Variants in SART3 observed in about 807,000 individuals in gnomAD.
SART3 encodes the protein spliceosome associated factor 3, U4/U6 recycling protein, also known as HIV-1 Tat-interacting protein of 110kDa.
Under a neutral mutation model 122.3 loss-of-function variants are expected in SART3, and 44 were observed. The ratio of observed to expected loss-of-function variants is 0.36; its 90% CI spans 0.28 to 0.46. The LOEUF is 0.46. Ranked by LOEUF, SART3 falls within the 20% of genes least tolerant of loss-of-function variation. The probability of loss-of-function intolerance (pLI) is 1.00; values close to 1 mark genes in which losing one functional copy is unlikely to be tolerated. For synonymous variants in SART3, 442 were observed against 454.0 expected, an observed-to-expected ratio of 0.97 and a Z score of 0.34; for missense variants, 1,101 against 1,229.0, an observed-to-expected ratio of 0.90 and a Z score of 1.56.
chr12:108,544,891 A>G (rs1873331453), intron 4 of SART3: 1 of 590,090 alleles, frequency 1.7e-6, no homozygotes, highest in Admixed American at 3.0e-5. Flanking sequence ...ACTTCAAAAA[A>G]TATCTCAACA....
At chr12:108,560,797 G>A (rs1386879247) in intron 1 of SART3, 46 bp downstream of exon 1, 2 of 1,528,776 alleles carry the variant, frequency 1.3e-6, no homozygotes, top group Non-Finnish European at 1.8e-6. Context: ...GGGGACCCGA[G>A]GACCTGAAAG....
chr12:108,533,561 T>A (rs1481708288), intron 12 of SART3, among the ~76,000 whole-genome samples: 3 of 152,218 alleles, frequency 2.0e-5, no homozygotes, highest in Non-Finnish European at 4.4e-5. Flanking sequence ...GCTGCCACTC[T>A]GGGGAAAACC....
At chr12:108,524,552 G>A (rs1225964159) in intron 17 of SART3, 46 bp from the exon 18 acceptor site, 3 of 1,584,136 alleles carry the variant, frequency 1.9e-6, no homozygotes, top group South Asian at 2.2e-5. Context: ...CGCAGACTAG[G>A]GACGCAACCT....
chr12:108,534,767 A>G (rs1872832830), intron 12 of SART3, among the ~76,000 whole-genome samples: 1 of 152,230 alleles, frequency 6.6e-6, no homozygotes, highest in Non-Finnish European at 1.5e-5. Context: ...AATAGGGAAA[A>G]AATCTTCAAA....
At chr12:108,548,335 T>G (rs1873529303) in intron 2 of SART3, among the ~76,000 whole-genome samples, 1 of 152,374 alleles carries the variant, frequency 6.6e-6, no homozygotes, top group Non-Finnish European at 1.5e-5. Flanking sequence ...ATGTGTTAAG[T>G]GTTATACGTA....
At position 108,523,225 on chromosome 12, in the gene SART3, C is replaced by T. The variant is rs1386509390; in HGVS notation, c.*232G>A. On this transcript the variant is annotated 3_prime_UTR_variant, in exon 19 of 19. Coordinates refer to ENST00000546815, the MANE Select transcript of SART3 (RefSeq NM_014706.4). ...ACAAAACTATCTCAGGACACCACAT[C>T]CTGGGCCCAGCCTGCAGAGTGGTCA... The T allele has an allele frequency of 1.5e-5, 9 of 596,910 alleles. No individual in the cohort carries two copies. Among genetic ancestry groups the T allele is most frequent in the South Asian group, 3.9e-5 (2 of 50,878 alleles). The allele number at this position is 596,910 out of a possible 1,614,324, so 37.0% of individuals were successfully genotyped here.
intron 6 of SART3, among the ~76,000 whole-genome samples, chr12:108,540,805 G>A (rs1873127401): frequency 6.6e-6 from 1 of 152,156 alleles, no homozygotes; most frequent in Non-Finnish European, 1.5e-5. Context: ...TAAATGGACA[G>A]CTAATCTATG....
At position 108,547,850 on chromosome 12, in the gene SART3, A is replaced by G. The variant is rs371616707; in HGVS notation, c.544+37T>C. 3.5e-4 allele frequency: 510 copies of G among 1,473,430 alleles called. 9 individuals carry two copies. In the South Asian group the frequency reaches 5.5e-3, roughly 16 times the overall value. 91.3% of individuals were successfully genotyped at this position (1,473,430 alleles called of 1,614,324 possible). ...TCAACAGCAGACTGATATATATGACATTGCCAGATATCCAAAAAAAGTCCA... is the reference window on the plus strand; with the variant it reads ...TCAACAGCAGACTGATATATATGACGTTGCCAGATATCCAAAAAAAGTCCA... On this transcript the variant is annotated intron_variant, in intron 3 of 18. Coordinates refer to ENST00000546815, the MANE Select transcript of SART3 (RefSeq NM_014706.4).
chr12:108,541,762 A>C (rs4964721), intron 6 of SART3, among the ~76,000 whole-genome samples: 17,611 of 151,582 alleles, frequency 0.12, 1,432 homozygotes, highest in Admixed American at 0.28. Context: ...CTGGTCTCAA[A>C]CTCCTGACCT....
At chr12:108,541,426 G>A (rs934308233) in intron 6 of SART3, among the ~76,000 whole-genome samples, 3 of 151,726 alleles carry the variant, frequency 2.0e-5, no homozygotes, top group African/African-American at 7.3e-5. Flanking sequence ...GAAGTGAAAA[G>A]ACAAACAACT....
chr12:108,535,282 G>T, intron 12 of SART3, 77 bp downstream of exon 12: 1 of 1,135,412 alleles, frequency 8.8e-7, no homozygotes, highest in Non-Finnish European at 1.3e-6. Context: ...AGTCCAAGCT[G>T]GTAGGAGTCA....
intron 11 of SART3, among the ~76,000 whole-genome samples, 173 bp downstream of exon 11, chr12:108,536,341 C>A (rs569712437): frequency 1.2e-4 from 19 of 152,216 alleles, no homozygotes; most frequent in Non-Finnish European, 2.5e-4. Flanking sequence ...ATATGTCAAG[C>A]TAGGTAAATA....
intron 15 of SART3, 33 bp downstream of exon 15, chr12:108,530,109 G>T: frequency 6.2e-7 from 1 of 1,613,026 alleles, no homozygotes; most frequent in Non-Finnish European, 8.5e-7. Flanking sequence ...ACTTTAAGAC[G>T]TTTCAAAACA....
At chr12:108,530,653 G>A (rs1036129774) in intron 14 of SART3, among the ~76,000 whole-genome samples, 8 of 152,036 alleles carry the variant, frequency 5.3e-5, no homozygotes, top group African/African-American at 1.7e-4. Flanking sequence ...TCAGGAGATC[G>A]AGACCATCCT....
chr12:108,548,993 G>T, intron 2 of SART3, 95 bp downstream of exon 2: 1 of 1,570,350 alleles, frequency 6.4e-7, no homozygotes, highest in Admixed American at 1.7e-5. Context: ...GAACGTTCCA[G>T]GTTTTCTACA....
intron 3 of SART3, among the ~76,000 whole-genome samples, chr12:108,547,605 T>C (rs1241015478): frequency 6.6e-6 from 1 of 152,210 alleles, no homozygotes; most frequent in Non-Finnish European, 1.5e-5. Context: ...ATTGAATGTA[T>C]AAAAGATCAG....
chr12:108,537,345 T>C, intron 9 of SART3, 143 bp downstream of exon 9: 1 of 685,980 alleles, frequency 1.5e-6, no homozygotes, highest in East Asian at 2.8e-5. Flanking sequence ...CAGAAATTGC[T>C]AAGATTTCTG....
At position 108,545,358 on chromosome 12, in the gene SART3, T is replaced by C. The variant is rs199809028; in HGVS notation, c.545-35A>G. The C allele has an allele frequency of 1.7e-5, 28 of 1,605,602 alleles. No individual in the cohort carries two copies. The East Asian group carries it at 6.0e-4, about 35-fold the overall frequency. ...AGAAGTGTTCAATTAGTTTGGGATATAAAATACCCAAATATCAAAACTGAT... is the reference window on the plus strand; with the variant it reads ...AGAAGTGTTCAATTAGTTTGGGATACAAAATACCCAAATATCAAAACTGAT... On this transcript the variant is annotated intron_variant, in intron 3 of 18. Transcript: ENST00000546815.
chr12:108,548,339 A>G (rs1873529633), intron 2 of SART3, among the ~76,000 whole-genome samples: 1 of 152,258 alleles, frequency 6.6e-6, no homozygotes, highest in Non-Finnish European at 1.5e-5. Flanking sequence ...GTTAAGTGTT[A>G]TACGTAGAAT....
Sources: gnomAD v4.1 joint callset for allele counts (sites outside exome capture counted in the v4.1 genomes callset) on GRCh38, gnomAD v4.1.1 for gene constraint, MANE v1.5 for transcripts, NCBI Gene and HGNC (gene_info 2026-07-23, HGNC 2026-07-21) for gene names.